The following EPN2 variants were observed in gnomAD, a reference collection of about 807,000 sequenced individuals.
EPN2 encodes epsin-2.
In EPN2, 34 loss-of-function variants were observed where a neutral mutation model predicts 61.7. The ratio of observed to expected loss-of-function variants is 0.55; its 90% confidence interval spans 0.42 to 0.73. EPN2 has a LOEUF of 0.73. EPN2 is among the 30% of genes least tolerant of loss of function. The pLI, the probability that EPN2 is intolerant of heterozygous loss-of-function variation, is 0.00. For synonymous variants in EPN2, 349 were observed against 353.6 expected (o/e 0.99, Z 0.15); for missense variants, 714 against 839.2 (o/e 0.85, Z 1.84).
At chr17:19,252,553 T>C (rs1303143510) in intron 1 of EPN2, among the ~76,000 whole-genome samples, 1 of 152,202 alleles carries the variant, frequency 6.6e-6, no homozygotes, top group African/African-American at 2.4e-5. Flanking sequence ...TCAATACATA[T>C]CTCTAACAGA....
chr17:19,259,258 C>T (rs936507787), intron 1 of EPN2, among the ~76,000 whole-genome samples: 2 of 149,008 alleles, frequency 1.3e-5, no homozygotes, highest in African/African-American at 2.5e-5. Context: ...CTGTTTTTGT[C>T]AAATGTGAGA....
intron 1 of EPN2, among the ~76,000 whole-genome samples, chr17:19,255,076 C>CA (rs1300802652): frequency 6.6e-6 from 1 of 152,134 alleles, no homozygotes; most frequent in African/African-American, 2.4e-5. Flanking sequence ...GCACCCTTCT[C>CA]AAGGGCTACT....
chr17:19,300,492 A>C (rs1338548932), intron 4 of EPN2, among the ~76,000 whole-genome samples: 6 of 129,940 alleles, frequency 4.6e-5, no homozygotes, highest in Non-Finnish European at 9.3e-5. Context: ...GCAGTGGTGC[A>C]ATCTCGGCTC....
chr17:19,244,091 C>G (rs1047712553), intron 1 of EPN2, among the ~76,000 whole-genome samples: 2 of 152,176 alleles, frequency 1.3e-5, no homozygotes, highest in African/African-American at 4.8e-5. Context: ...GGCTGTAAAT[C>G]TTGGATGCTG....
At chr17:19,284,040 T>C (rs1346056437) in intron 3 of EPN2, among the ~76,000 whole-genome samples, 1 of 151,954 alleles carries the variant, frequency 6.6e-6, no homozygotes, top group East Asian at 1.9e-4. Context: ...AGCAAAGGAG[T>C]TGTCCTGCTG....
At chr17:19,263,348 G>A (rs1470048143) in intron 1 of EPN2, among the ~76,000 whole-genome samples, 1 of 152,200 alleles carries the variant, frequency 6.6e-6, no homozygotes, top group East Asian at 1.9e-4. Context: ...CATGAGAGTG[G>A]TTTTGTTTGG....
In EPN2 at chr17:19,335,262, A is replaced by AT; in HGVS notation, c.*1010dup. ...CTGTTTTTGGTGAATTACTAAACTG[A>AT]TTGACTTTCAGCCTTTTTGGCTAGA... is the stretch of plus-strand genomic sequence containing the variant. On this transcript the variant is annotated 3_prime_UTR_variant, in exon 11 of 11. Transcript: ENST00000314728. The AT allele has an allele frequency of 5.3e-6, 4 of 753,702 alleles. No homozygotes were observed. The highest frequency in any genetic ancestry group is 8.1e-6 in the Non-Finnish European group (4 of 492,226). The allele number at this position is 753,702 out of a possible 1,614,324, so 46.7% of individuals were successfully genotyped here. A position where few individuals can be genotyped will look rare whatever the true frequency, so the allele number is the denominator to read the frequency against.
At chr17:19,284,638 C>A (rs2045387694) in intron 3 of EPN2, among the ~76,000 whole-genome samples, 1 of 152,214 alleles carries the variant, frequency 6.6e-6, no homozygotes, top group Non-Finnish European at 1.5e-5. Context: ...CAGAAAACTT[C>A]TTTTTAAAGG....
intron 1 of EPN2, among the ~76,000 whole-genome samples, chr17:19,256,126 A>G (rs1431966227): frequency 6.6e-6 from 1 of 151,638 alleles, no homozygotes; most frequent in Non-Finnish European, 1.5e-5. Flanking sequence ...TTTAGTAGAG[A>G]CGGGGTTTCA....
chr17:19,262,388 G>A (rs1040174288), intron 1 of EPN2, among the ~76,000 whole-genome samples: 8 of 152,202 alleles, frequency 5.3e-5, no homozygotes, highest in African/African-American at 1.9e-4. Flanking sequence ...TGAGGCAGGA[G>A]AATCGCTTGG....
rs984553117 is a variant in EPN2, at chr17:19,285,543, G to C, written c.596-77G>C. On this transcript the variant is annotated intron_variant, in intron 3 of 10. Coordinates refer to ENST00000314728, the MANE Select transcript of EPN2 (RefSeq NM_014964.5). This position sits in a 1 kb window ranked among gnomAD's most constrained non-coding sequence, Gnocchi z 4.5. Reference sequence around the variant, plus strand: ...GGTTGACCCCGAGTGGCCTTGGCCCGTACCTCCTGCAGGGGCTGCTGCGCA... The same window carrying C: ...GGTTGACCCCGAGTGGCCTTGGCCCCTACCTCCTGCAGGGGCTGCTGCGCA... 2.2e-6 allele frequency: 3 copies of C among 1,380,506 alleles called. No individual in the cohort carries two copies. The highest frequency in any genetic ancestry group is 2.8e-6 in the Non-Finnish European group (3 of 1,063,674). 85.5% of individuals were successfully genotyped at this position (1,380,506 alleles called of 1,614,324 possible).
Position 19,328,787 on chromosome 17 carries a change from G to T in EPN2, c.1224G>T (p.Ser408=). 6.2e-7 allele frequency: 1 copy of T among 1,613,530 alleles called. No homozygotes were observed. The highest frequency in any genetic ancestry group is 1.1e-5 in the South Asian group (1 of 90,976). The change falls in exon 8 of 11, where the codon TCG becomes TCT. Residue 408 remains serine, a synonymous_variant. Transcript: ENST00000314728. ...GATVQSVPKN[S]DPWAASQQPA... ...CCGTACAATCTGTCCCCAAGAACTC[G>T]GACCCCTGGGCAGCTTCACAGCAGC...
Position 19,328,838 on chromosome 17 carries a change from T to G in EPN2, c.1275T>G (p.Ala425=). Residue 425 remains alanine, a synonymous_variant, in exon 8 of 11, where the codon GCT becomes GCG. Coordinates refer to ENST00000314728, the MANE Select transcript of EPN2 (RefSeq NM_014964.5). ...QQPASSAGKR[A]SDAWGAVSTT... ...CTGCCTCCAGTGCTGGGAAAAGAGC[T>G]TCTGACGCGTGGGGCGCAGTCTCCA... 6.2e-7 allele frequency: 1 copy of G among 1,613,452 alleles called. No individual in the cohort carries two copies. The highest frequency in any genetic ancestry group is 8.5e-7 in the Non-Finnish European group (1 of 1,179,606).
intron 4 of EPN2, among the ~76,000 whole-genome samples, chr17:19,295,372 G>GCGCGCGCA (rs2045508639): frequency 1.7e-5 from 2 of 119,970 alleles, no homozygotes; most frequent in Admixed American, 1.5e-4. Context: ...ACACACGCGC[G>GCGCGCGCA]TGCGCGCAAA....
At chr17:19,268,346 C>T (rs1000405074) in intron 1 of EPN2, among the ~76,000 whole-genome samples, 9 of 152,150 alleles carry the variant, frequency 5.9e-5, no homozygotes, top group Non-Finnish European at 1.3e-4. Context: ...AAACCTGTGT[C>T]AACTAAACTA....
chr17:19,245,470 TGGCGGGATCTCAGCTCACTGCAGC>T (rs375651593), intron 1 of EPN2, among the ~76,000 whole-genome samples: 3,879 of 145,742 alleles, frequency 0.027, 152 homozygotes, highest in African/African-American at 0.093. Flanking sequence ...TGGAGTGCAG[TGGCGGGATCTCAGCTCACTGCAGC>T]GGCGGGATCT....
At chr17:19,279,293 C>T (rs2045337666) in intron 1 of EPN2, among the ~76,000 whole-genome samples, 1 of 152,142 alleles carries the variant, frequency 6.6e-6, no homozygotes, top group Non-Finnish European at 1.5e-5. Context: ...CTAGGAGGCT[C>T]ATTGGGAGCC....
At chr17:19,293,907 G>T (rs964408698) in intron 4 of EPN2, among the ~76,000 whole-genome samples, 1 of 151,418 alleles carries the variant, frequency 6.6e-6, no homozygotes, top group Admixed American at 6.6e-5. Flanking sequence ...GACCAACATG[G>T]TGAAACCCCT....
chr17:19,328,571 G>C, intron 7 of EPN2, 140 bp from the exon 8 acceptor site: 1 of 753,118 alleles, frequency 1.3e-6, no homozygotes, highest in Non-Finnish European at 2.1e-6. Flanking sequence ...TGCTGGCGTG[G>C]GACAGTACCC....
Sources: allele counts gnomAD v4.1 joint callset (sites outside exome capture counted in the v4.1 genomes callset), GRCh38; gene constraint gnomAD v4.1.1; non-coding constraint Gnocchi (gnomAD v3.1); transcripts MANE v1.5; gene names NCBI Gene and HGNC (gene_info 2026-07-23, HGNC 2026-07-21).